Variants in SEPTIN14 observed in about 807,000 individuals in gnomAD.
The protein encoded by SEPTIN14 is septin 14, also known as septin-14.
In SEPTIN14, 40 loss-of-function variants were observed where a neutral mutation model predicts 53.6. That is an observed-to-expected ratio of 0.75 (90% CI 0.58 to 0.97). The LOEUF (loss-of-function observed/expected upper bound fraction) is 0.97, where lower values mean the gene tolerates loss of function less well. Among genes scored for constraint, SEPTIN14 ranks in the 50% least tolerant of loss-of-function variants. SEPTIN14 has a pLI of 0.00. For synonymous variants in SEPTIN14, 138 were observed against 166.8 expected, an observed-to-expected ratio of 0.83 and a Z score of 1.33; for missense variants, 471 against 508.2, an observed-to-expected ratio of 0.93 and a Z score of 0.70.
At chr7:55,840,758 G>T (rs1172818355) in intron 5 of SEPTIN14, among the ~76,000 whole-genome samples, 1 of 152,016 alleles carries the variant, frequency 6.6e-6, no homozygotes. Flanking sequence ...AGATAATTAG[G>T]ATATATACAT....
At chr7:55,851,608 G>A (rs1007929778) in intron 2 of SEPTIN14, among the ~76,000 whole-genome samples, 14 of 152,184 alleles carry the variant, frequency 9.2e-5, no homozygotes, top group African/African-American at 3.4e-4. Flanking sequence ...GATATTCCAC[G>A]TGTATGGACT....
rs1408075235 is a variant in SEPTIN14 at position 55,798,242 on chromosome 7, G to A, written c.1120-2150C>T. On this transcript the variant is annotated intron_variant, in intron 9 of 9. Coordinates refer to ENST00000388975, the MANE Select transcript of SEPTIN14 (RefSeq NM_207366.3). ...CCAACTAGACAAAAGAACCTGCTGA[G>A]TTGGCAGCTGTTGCTCATGAGCGTC... The A allele has an allele frequency of 9.5e-6, 4 of 422,446 alleles. No individual in the cohort carries two copies. The East Asian group carries it at 2.6e-4, about 27-fold the overall frequency. 26.2% of individuals were successfully genotyped at this position (422,446 alleles called of 1,614,324 possible).
chr7:55,797,570 A>T (rs953130664), intron 9 of SEPTIN14, among the ~76,000 whole-genome samples: 25 of 152,226 alleles, frequency 1.6e-4, no homozygotes, highest in African/African-American at 6.0e-4. Context: ...TAACCTTCAG[A>T]AAGAAAGAAG....
At chr7:55,830,349 A>ATATATTTTTTTT (rs71015108) in intron 6 of SEPTIN14, among the ~76,000 whole-genome samples, 3 of 56,844 alleles carry the variant, frequency 5.3e-5, no homozygotes, top group East Asian at 6.0e-4. Flanking sequence ...ATATATATAT[A>ATATATTTTTTTT]TTTTTTTTTT....
intron 2 of SEPTIN14, among the ~76,000 whole-genome samples, chr7:55,855,836 A>G (rs958564973): frequency 1.3e-5 from 2 of 151,666 alleles, no homozygotes; most frequent in Non-Finnish European, 2.9e-5. Flanking sequence ...ACAGGCGTGA[A>G]CTACCACGCC....
intron 9 of SEPTIN14, chr7:55,798,750 A>G (rs34616126): frequency 0.11 from 21,798 of 198,924 alleles, 1,525 homozygotes; most frequent in Middle Eastern, 0.24. Context: ...CTGGGGCCCA[A>G]TGAGAGGCAG....
intron 2 of SEPTIN14, among the ~76,000 whole-genome samples, chr7:55,861,273 A>G (rs1002760502): frequency 6.6e-6 from 1 of 152,166 alleles, no homozygotes; most frequent in African/African-American, 2.4e-5. Context: ...TGAGGCGGGT[A>G]GATCACCTGA....
intron 7 of SEPTIN14, among the ~76,000 whole-genome samples, chr7:55,812,021 C>T (rs922815301): frequency 2.6e-5 from 4 of 152,150 alleles, no homozygotes; most frequent in African/African-American, 9.7e-5. Context: ...TCTCAAGCTC[C>T]TGGCCTCAAG....
At chr7:55,798,188 C>A in intron 9 of SEPTIN14, 1 of 237,634 alleles carries the variant, frequency 4.2e-6, no homozygotes. Context: ...CACGCAAAGC[C>A]CAGCAACCTG....
At chr7:55,817,473 TA>T (rs1046063975) in intron 7 of SEPTIN14, among the ~76,000 whole-genome samples, 3 of 136,066 alleles carry the variant, frequency 2.2e-5, no homozygotes, top group Admixed American at 7.3e-5. Flanking sequence ...TATATATATA[TA>T]TATTTTTTTT....
intron 3 of SEPTIN14, among the ~76,000 whole-genome samples, chr7:55,845,876 C>T (rs1466123097): frequency 6.7e-6 from 1 of 148,348 alleles, no homozygotes; most frequent in African/African-American, 2.5e-5. Flanking sequence ...GGTGAAACCC[C>T]GTCTGTACTA....
In SEPTIN14 at chr7:55,834,590, T is replaced by A; in HGVS notation, c.559-4A>T. On this transcript the variant is annotated splice_region_variant and splice_polypyrimidine_tract_variant and intron_variant, in intron 5 of 9. Transcript: ENST00000388975. ...CAATCAGTGGTATAATATTCACCTA[T>A]GAAGAAAGAAGACAAACAAAATCTC... 1 of 1,580,780 alleles carries A rather than the reference T, an allele frequency of 6.3e-7. No individual in the cohort carries two copies. Among genetic ancestry groups the A allele is most frequent in the Non-Finnish European group, 8.6e-7 (1 of 1,166,160 alleles).
At position 55,798,924 on chromosome 7, in the gene SEPTIN14, C is replaced by T. The variant is rs144130936; in HGVS notation, c.1120-2832G>A. 6.7e-3 allele frequency: 1,028 copies of T among 152,592 alleles called. 21 individuals carry two copies. Among genetic ancestry groups the T allele is most frequent in the South Asian group, 0.037 (182 of 4,894 alleles). The allele number at this position is 152,592 out of a possible 1,614,324, so 9.5% of individuals were successfully genotyped here. ...TGGCCTGGCCAACATGGTGAAATCC[C>T]GTCTCTACTAAAAATACAAAAATTA... On this transcript the variant is annotated intron_variant, in intron 9 of 9. Transcript: ENST00000388975.
Position 55,809,291 on chromosome 7 carries a change from GA to G in SEPTIN14, c.818-2034del, listed in dbSNP as rs1049668663. On this transcript the variant is annotated intron_variant, in intron 7 of 9. Transcript: ENST00000388975. ...GGAGGGTGGGAGGAGAGTGAGGACA[GA>G]AAAGCTACTATGCTTACTTTTTTTT... is the stretch of plus-strand genomic sequence containing the variant. Among the ~76,000 whole-genome samples, 6 of 142,676 alleles carry G rather than the reference GA, an allele frequency of 4.2e-5. No homozygotes were observed. In the Admixed American group the frequency reaches 4.3e-4, roughly 10 times the overall value. The allele number at this position is 142,676 out of a possible 152,430, so 93.6% of individuals were successfully genotyped here.
intron 4 of SEPTIN14, among the ~76,000 whole-genome samples, chr7:55,843,556 G>A (rs918260635): frequency 1.7e-4 from 26 of 152,280 alleles, no homozygotes; most frequent in South Asian, 4.1e-4. Flanking sequence ...AAAAATGGCC[G>A]GGCGCGGTGG....
At position 55,844,536 on chromosome 7, in the gene SEPTIN14, C is replaced by G; in HGVS notation, c.358G>C (p.Asp120His). Residue 120 changes from aspartate (D) to histidine (H), a missense_variant, in exon 4 of 10, where the codon GAC (aspartate) becomes CAC (histidine). By Grantham distance (81) the Asp-to-His change is moderately conservative. Transcript: ENST00000388975. ...VETVGYGDQIDKEASYQPIVD... is the reference protein window; with the variant it reads ...VETVGYGDQIHKEASYQPIVD... Reference sequence around the variant, plus strand: ...GAAAACACTCACCTGGCTTCTTTGTCTATTTGATCACCATACCCTACTGTC... The same window carrying G: ...GAAAACACTCACCTGGCTTCTTTGTGTATTTGATCACCATACCCTACTGTC... 6.7e-7 allele frequency: 1 copy of G among 1,487,526 alleles called. No individual in the cohort carries two copies. Among genetic ancestry groups the G allele is most frequent in the South Asian group, 1.5e-5 (1 of 67,030 alleles). The allele number at this position is 1,487,526 out of a possible 1,614,324, so 92.1% of individuals were successfully genotyped here. A position where few individuals can be genotyped will look rare whatever the true frequency, so the allele number is the denominator to read the frequency against.
chr7:55,846,745 C>T (rs1464012011), intron 2 of SEPTIN14, 108 bp from the exon 3 acceptor site: 2 of 593,064 alleles, frequency 3.4e-6, no homozygotes, highest in African/African-American at 1.9e-5. Flanking sequence ...TTATCATTTG[C>T]TTATCATACC....
At position 55,819,116 on chromosome 7, in the gene SEPTIN14, G is replaced by C; in HGVS notation, c.817+11C>G. The C allele has an allele frequency of 6.6e-7, 1 of 1,506,202 alleles. No homozygotes were observed. Among genetic ancestry groups the C allele is most frequent in the Non-Finnish European group, 9.1e-7 (1 of 1,099,236 alleles). The allele number at this position is 1,506,202 out of a possible 1,614,324, so 93.3% of individuals were successfully genotyped here. On this transcript the variant is annotated intron_variant, in intron 7 of 9. Coordinates refer to ENST00000388975, the MANE Select transcript of SEPTIN14 (RefSeq NM_207366.3). ...TTAATCATTCCAAAGCCTGCCCTCTGTCATTTTTACCTTGCAAAACTCCCC... is the reference window on the plus strand; with the variant it reads ...TTAATCATTCCAAAGCCTGCCCTCTCTCATTTTTACCTTGCAAAACTCCCC...
chr7:55,814,368 T>C (rs764836694), intron 7 of SEPTIN14, among the ~76,000 whole-genome samples: 3 of 152,140 alleles, frequency 2.0e-5, no homozygotes, highest in Non-Finnish European at 4.4e-5. Context: ...GAGGCACTAA[T>C]GACAAATCCC....
Sources: allele counts gnomAD v4.1 joint callset (sites outside exome capture counted in the v4.1 genomes callset), GRCh38; gene constraint gnomAD v4.1.1; transcripts MANE v1.5; gene names NCBI Gene and HGNC (gene_info 2026-07-23, HGNC 2026-07-21).